Variants in MLLT3 observed in about 807,000 individuals in gnomAD.
MLLT3 encodes the protein MLLT3 super elongation complex subunit.
MLLT3 carries 4 observed loss-of-function variants against 53.2 expected under a neutral mutation model. The observed-to-expected ratio is 0.08, with a 90% CI of 0.04 to 0.17. The LOEUF (loss-of-function observed/expected upper bound fraction) is 0.17. Ranked by LOEUF, MLLT3 falls within the 10% of genes least tolerant of loss-of-function variation. MLLT3 has a pLI of 1.00. For missense variants in MLLT3, 569 were observed against 684.0 expected (o/e 0.83, Z 1.87); for synonymous variants, 283 against 230.6 (o/e 1.23, Z -2.06).
chr9:20,489,023 T>G (rs778313972), intron 2 of MLLT3, among the ~76,000 whole-genome samples: 10 of 152,196 alleles, frequency 6.6e-5, no homozygotes, highest in Non-Finnish European at 1.3e-4. Flanking sequence ...GATAGACATA[T>G]TTTTAGACAG....
At position 20,622,486 on chromosome 9, in the gene MLLT3, T is replaced by C. The variant is rs1587142723; in HGVS notation, c.-230A>G. On this transcript the variant is annotated 5_prime_UTR_variant, in exon 1 of 11. Transcript: ENST00000380338. ...AGCAGCAGCAGCAGCAGCTCCAGGG[T>C]AAAGAAGATGATTGCGGAGCATGCG... The C allele has an allele frequency of 9.9e-6, 5 of 502,792 alleles. No individual in the cohort carries two copies. The East Asian group carries it at 1.7e-4, about 17-fold the overall frequency. 31.1% of individuals were successfully genotyped at this position (502,792 alleles called of 1,614,324 possible). A position where few individuals can be genotyped will look rare whatever the true frequency, so the allele number is the denominator to read the frequency against.
intron 2 of MLLT3, among the ~76,000 whole-genome samples, chr9:20,601,389 T>C (rs372583559): frequency 4.6e-5 from 7 of 152,340 alleles, no homozygotes; most frequent in African/African-American, 1.7e-4. Context: ...ATAAATGATC[T>C]GCAACTGACT....
At chr9:20,405,923 C>T (rs1003513661) in intron 5 of MLLT3, among the ~76,000 whole-genome samples, 1 of 151,846 alleles carries the variant, frequency 6.6e-6, no homozygotes, top group African/African-American at 2.4e-5. Flanking sequence ...ACCAGCCTGG[C>T]CAACATGGTG....
intron 2 of MLLT3, among the ~76,000 whole-genome samples, chr9:20,494,138 A>G (rs1825018967): frequency 6.6e-6 from 1 of 152,174 alleles, no homozygotes; most frequent in African/African-American, 2.4e-5. Flanking sequence ...TGTCAAAAAT[A>G]TATTTGACTA....
At chr9:20,614,441 G>GAGGC in intron 2 of MLLT3, among the ~76,000 whole-genome samples, 1 of 141,690 alleles carries the variant, frequency 7.1e-6, no homozygotes, top group African/African-American at 2.5e-5. Context: ...GGGAGGGAGG[G>GAGGC]AGGTAGGCAG....
intron 4 of MLLT3, among the ~76,000 whole-genome samples, chr9:20,424,149 G>A (rs1823084856): frequency 6.6e-6 from 1 of 152,106 alleles, no homozygotes; most frequent in Admixed American, 6.6e-5. Context: ...CAACTGAGAA[G>A]GTCCTGGAAC....
chr9:20,347,595 T>C (rs1456765931), intron 10 of MLLT3, among the ~76,000 whole-genome samples: 1 of 152,218 alleles, frequency 6.6e-6, no homozygotes, highest in African/African-American at 2.4e-5. Context: ...GTAAAGTATC[T>C]TCCCATTCCT....
intron 5 of MLLT3, among the ~76,000 whole-genome samples, chr9:20,375,339 T>C (rs537484452): frequency 6.6e-6 from 1 of 152,348 alleles, no homozygotes; most frequent in South Asian, 2.1e-4. Context: ...GGGCAATTAA[T>C]TTAAAGCAGT....
chr9:20,519,354 A>C (rs373956731), intron 2 of MLLT3, among the ~76,000 whole-genome samples: 72 of 152,328 alleles, frequency 4.7e-4, no homozygotes, highest in African/African-American at 1.7e-3. Flanking sequence ...TATACTATGA[A>C]ACTTTTCTGT....
rs186141439 is a variant in MLLT3, at chr9:20,534,921, A to G, written c.194-78135T>C. Among the ~76,000 whole-genome samples, 34 of 152,220 alleles carry G rather than the reference A, an allele frequency of 2.2e-4. 1 individual carries two copies. In the South Asian group the frequency reaches 6.4e-3, roughly 29 times the overall value. On this transcript the variant is annotated intron_variant, in intron 2 of 10. Transcript: ENST00000380338. ...CAAAATAAAATAAAATAAAATAAAA[A>G]GAAGAAAATTATAAAGAAAAAATAG...
chr9:20,368,188 G>C (rs936390388), intron 5 of MLLT3, among the ~76,000 whole-genome samples: 1 of 152,200 alleles, frequency 6.6e-6, no homozygotes, highest in African/African-American at 2.4e-5. Flanking sequence ...CTTCATTTCT[G>C]TTGAGTGGCT....
At chr9:20,351,427 A>T (rs1821027680) in intron 10 of MLLT3, among the ~76,000 whole-genome samples, 1 of 152,160 alleles carries the variant, frequency 6.6e-6, no homozygotes, top group Non-Finnish European at 1.5e-5. Flanking sequence ...AGAGCAATCA[A>T]ATTATTCATC....
chr9:20,408,104 G>A (rs950992235), intron 5 of MLLT3, among the ~76,000 whole-genome samples: 14 of 152,178 alleles, frequency 9.2e-5, no homozygotes, highest in African/African-American at 3.4e-4. Context: ...TGGAAATGCT[G>A]AGTTTTGCCA....
intron 2 of MLLT3, among the ~76,000 whole-genome samples, chr9:20,504,130 T>C (rs1587003076): frequency 6.6e-6 from 1 of 152,154 alleles, no homozygotes; most frequent in Non-Finnish European, 1.5e-5. Flanking sequence ...GTATAGCCAT[T>C]ATGGAAAATT....
chr9:20,500,237 TTAA>T lies in MLLT3; in HGVS notation c.194-43454_194-43452del, dbSNP rs557945852. On this transcript the variant is annotated intron_variant, in intron 2 of 10. Coordinates refer to ENST00000380338, the MANE Select transcript of MLLT3 (RefSeq NM_004529.4). ...GCTAGCAGGGCAAAGGTCTGGCTGC[TTAA>T]TACAGTTGGTCTTCTCAGGGCCCTT... Among the ~76,000 whole-genome samples the T allele has an allele frequency of 3.0e-4, 46 of 152,258 alleles. No individual in the cohort carries two copies. The East Asian group carries it at 7.3e-3, about 24-fold the overall frequency.
chr9:20,612,002 G>T (rs1464170488), intron 2 of MLLT3, among the ~76,000 whole-genome samples: 1 of 152,124 alleles, frequency 6.6e-6, no homozygotes, highest in Non-Finnish European at 1.5e-5. Flanking sequence ...TTGTCTGAAA[G>T]TAGCTATAGA....
intron 2 of MLLT3, chr9:20,533,143 A>T: frequency 3.6e-6 from 1 of 274,546 alleles, no homozygotes; most frequent in Non-Finnish European, 7.3e-6. Flanking sequence ...AGTTCACAGG[A>T]AGACCTGCAC....
chr9:20,501,824 T>C lies in MLLT3; in HGVS notation c.194-45038A>G, dbSNP rs535544006. 7.7e-5 allele frequency among the ~76,000 whole-genome samples: 11 copies of C among 143,388 alleles called. No individual in the cohort carries two copies. In the South Asian group the frequency reaches 2.2e-3, roughly 29 times the overall value. 94.1% of individuals were successfully genotyped at this position (143,388 alleles called of 152,430 possible). On this transcript the variant is annotated intron_variant, in intron 2 of 10. Transcript: ENST00000380338. ...GGTCAGGCGAGGTGGCTCAGACCTGTAATCCCAGCATTTTGAGAAGCCAAA... is the reference window on the plus strand; with the variant it reads ...GGTCAGGCGAGGTGGCTCAGACCTGCAATCCCAGCATTTTGAGAAGCCAAA...
At chr9:20,353,424 T>C in intron 10 of MLLT3, 101 bp downstream of exon 10, 2 of 957,136 alleles carry the variant, frequency 2.1e-6, no homozygotes, top group South Asian at 2.7e-5. Context: ...CAGGTTCTGA[T>C]AGCGTGGGGC....
Sources: gnomAD v4.1 joint callset for allele counts (sites outside exome capture counted in the v4.1 genomes callset) on GRCh38, gnomAD v4.1.1 for gene constraint, MANE v1.5 for transcripts, NCBI Gene and HGNC (gene_info 2026-07-23, HGNC 2026-07-21) for gene names.